Variants in TRAF3 observed in about 807,000 individuals in gnomAD.
TRAF3 encodes TNF receptor associated factor 3.
A neutral mutation model predicts 62.3 loss-of-function variants in TRAF3; 13 were observed. The ratio of observed to expected loss-of-function variants is 0.21; its 90% confidence interval spans 0.14 to 0.33. The LOEUF is 0.33. TRAF3 is among the 10% of genes least tolerant of loss of function. The pLI, the probability that TRAF3 is intolerant of heterozygous loss-of-function variation, is 1.00. For missense variants in TRAF3, 440 were observed against 741.8 expected (o/e 0.59, Z 4.73); for synonymous variants, 269 against 283.4 (o/e 0.95, Z 0.51).
At chr14:102,879,664 C>G (rs553444456) in intron 6 of TRAF3, among the ~76,000 whole-genome samples, 38 of 149,422 alleles carry the variant, frequency 2.5e-4, no homozygotes, top group Admixed American at 2.1e-3. Flanking sequence ...GCGTTTTTTG[C>G]CATTAAAAGT....
At chr14:102,827,003 T>G (rs1238127899) in intron 1 of TRAF3, among the ~76,000 whole-genome samples, 3 of 152,150 alleles carry the variant, frequency 2.0e-5, no homozygotes, top group Non-Finnish European at 4.4e-5. Context: ...CGGGCTGCTG[T>G]GAGGGAGGGA....
chr14:102,813,721 G>A (rs765250681), intron 1 of TRAF3, among the ~76,000 whole-genome samples: 2 of 151,904 alleles, frequency 1.3e-5, no homozygotes, highest in Non-Finnish European at 2.9e-5. Flanking sequence ...AAAGTGCCAG[G>A]ATTACAGGCG....
chr14:102,820,133 G>A (rs574460682), intron 1 of TRAF3, among the ~76,000 whole-genome samples: 1 of 152,132 alleles, frequency 6.6e-6, no homozygotes, highest in Admixed American at 6.5e-5. Context: ...TTTCCTTTGC[G>A]AGCGTCCTCT....
At chr14:102,876,546 C>T in intron 6 of TRAF3, 21 bp downstream of exon 6, 1 of 1,611,172 alleles carries the variant, frequency 6.2e-7, no homozygotes, top group African/African-American at 1.3e-5. Context: ...TCCCATTCCA[C>T]AGGCCTTCCA....
intron 9 of TRAF3, 23 bp downstream of exon 9, chr14:102,891,440 G>T: frequency 6.3e-7 from 1 of 1,598,174 alleles, no homozygotes; most frequent in Non-Finnish European, 8.5e-7. Flanking sequence ...CTTTCCTGCT[G>T]CTATGGGATT....
intron 1 of TRAF3, among the ~76,000 whole-genome samples, chr14:102,793,860 C>T (rs905111672): frequency 2.6e-5 from 4 of 152,254 alleles, no homozygotes; most frequent in African/African-American, 9.6e-5. Flanking sequence ...TAATCTACTA[C>T]TACATCTCAT....
chr14:102,832,745 A>G (rs1885723016), intron 2 of TRAF3, among the ~76,000 whole-genome samples: 1 of 152,140 alleles, frequency 6.6e-6, no homozygotes, highest in Non-Finnish European at 1.5e-5. Context: ...ACACACAAAC[A>G]CACTAATAGA....
Position 102,780,703 on chromosome 14 carries a change from G to A in TRAF3, c.-157+3028G>A, listed in dbSNP as rs570301231. On this transcript the variant is annotated intron_variant, in intron 1 of 11. Coordinates refer to ENST00000392745, the MANE Select transcript of TRAF3 (RefSeq NM_145725.3). The stretch of plus-strand genomic sequence containing the variant: ...TAAGTGGATTGTTAATTGGGACTTG[G>A]GAGTCTTTTTCTCATTTAATTAATA... Among the ~76,000 whole-genome samples the A allele has an allele frequency of 4.2e-4, 64 of 152,130 alleles. 2 individuals are homozygous for A. The South Asian group carries it at 0.013, about 32-fold the overall frequency.
chr14:102,813,412 G>T (rs952123422), intron 1 of TRAF3, among the ~76,000 whole-genome samples: 8 of 151,344 alleles, frequency 5.3e-5, no homozygotes, highest in African/African-American at 1.9e-4. Context: ...AGAAATGTCT[G>T]TTCAGGTAAT....
chr14:102,787,041 T>G (rs1289525379), intron 1 of TRAF3, among the ~76,000 whole-genome samples: 1 of 152,050 alleles, frequency 6.6e-6, no homozygotes, highest in Admixed American at 6.5e-5. Context: ...TGAGAGAATA[T>G]AAGAACCTAA....
chr14:102,795,172 G>A (rs1898003094), intron 1 of TRAF3, among the ~76,000 whole-genome samples: 2 of 152,044 alleles, frequency 1.3e-5, no homozygotes, highest in Non-Finnish European at 2.9e-5. Context: ...GGTGTGTATG[G>A]ATGTGCTCTC....
rs56831838 is a variant in TRAF3 at position 102,817,092 on chromosome 14, A to G, written c.-156-13242A>G. On this transcript the variant is annotated intron_variant, in intron 1 of 11. Coordinates refer to ENST00000392745, the MANE Select transcript of TRAF3 (RefSeq NM_145725.3). Reference sequence around the variant, plus strand: ...AGAGAGGAACGGGTACCAAGGGCTCAGTGTTGGACCTGTTAGGTTTGAGAT... The same window carrying G: ...AGAGAGGAACGGGTACCAAGGGCTCGGTGTTGGACCTGTTAGGTTTGAGAT... 9.3e-3 allele frequency among the ~76,000 whole-genome samples: 1,419 copies of G among 152,274 alleles called. 20 individuals are homozygous for G. Among genetic ancestry groups the G allele is most frequent in the African/African-American group, 0.031 (1,289 of 41,554 alleles).
intron 1 of TRAF3, among the ~76,000 whole-genome samples, chr14:102,823,532 A>G (rs376434102): frequency 1.3e-5 from 2 of 152,310 alleles, no homozygotes; most frequent in East Asian, 1.9e-4. Flanking sequence ...TCTCACAGGA[A>G]TTATGAATTG....
At chr14:102,884,828 A>C (rs993385902) in intron 6 of TRAF3, among the ~76,000 whole-genome samples, 8 of 152,112 alleles carry the variant, frequency 5.3e-5, no homozygotes, top group Non-Finnish European at 1.0e-4. Context: ...AAAAAAAGAA[A>C]AAGCACATAT....
intron 1 of TRAF3, among the ~76,000 whole-genome samples, chr14:102,813,906 T>C (rs901527770): frequency 6.6e-6 from 1 of 152,226 alleles, no homozygotes; most frequent in Non-Finnish European, 1.5e-5. Flanking sequence ...TTGCTGAAGC[T>C]TTTTAGCTTG....
chr14:102,828,859 G>C (rs975339665), intron 1 of TRAF3, among the ~76,000 whole-genome samples: 2 of 152,204 alleles, frequency 1.3e-5, no homozygotes, highest in African/African-American at 2.4e-5. Context: ...CAGAGGTGTA[G>C]ATACGCATAG....
At chr14:102,833,208 G>A in intron 2 of TRAF3, among the ~76,000 whole-genome samples, 1 of 152,188 alleles carries the variant, frequency 6.6e-6, no homozygotes, top group South Asian at 2.1e-4. Flanking sequence ...TCCCTTCTGT[G>A]GCACTCAGTA....
At chr14:102,853,672 C>A (rs1359009083) in intron 2 of TRAF3, among the ~76,000 whole-genome samples, 3 of 151,804 alleles carry the variant, frequency 2.0e-5, no homozygotes, top group Non-Finnish European at 4.4e-5. Context: ...CCCATCTCTA[C>A]TAAAAATACA....
Position 102,831,282 on chromosome 14 carries a change from A to G in TRAF3, c.-18+810A>G, listed in dbSNP as rs144718371. Among the ~76,000 whole-genome samples, 494 of 152,292 alleles carry G rather than the reference A, an allele frequency of 3.2e-3. 6 individuals are homozygous for G. The highest frequency in any genetic ancestry group is 0.011 in the African/African-American group (471 of 41,548). ...TTTGGGGTACTTGTTTGCCATCCCT[A>G]TGGTGAGGAAACCCATGTCGCCCAC... On this transcript the variant is annotated intron_variant, in intron 2 of 11. Coordinates refer to ENST00000392745, the MANE Select transcript of TRAF3 (RefSeq NM_145725.3).
Sources: allele counts gnomAD v4.1 joint callset (sites outside exome capture counted in the v4.1 genomes callset), GRCh38; gene constraint gnomAD v4.1.1; transcripts MANE v1.5; gene names NCBI Gene and HGNC (gene_info 2026-07-23, HGNC 2026-07-21).